The following PPP6R1 variants were observed in gnomAD, a reference collection of about 807,000 sequenced individuals.
The protein encoded by PPP6R1 is serine/threonine-protein phosphatase 6 regulatory subunit 1.
In PPP6R1, 39 loss-of-function variants were observed where a neutral mutation model predicts 104.6. That is an observed-to-expected ratio of 0.37 (90% CI 0.29 to 0.49). The LOEUF (loss-of-function observed/expected upper bound fraction) is 0.49, where lower values mean the gene tolerates loss of function less well. Ranked by LOEUF, PPP6R1 falls within the 20% of genes least tolerant of loss-of-function variation. The probability of loss-of-function intolerance (pLI) is 0.98; values close to 1 mark genes in which losing one functional copy is unlikely to be tolerated. For synonymous variants in PPP6R1, 549 were observed against 479.0 expected, an observed-to-expected ratio of 1.15 and a Z score of -1.91; for missense variants, 1,181 against 1,155.8, an observed-to-expected ratio of 1.02 and a Z score of -0.32.
At chr19:55,242,313 G>T in intron 6 of PPP6R1, 34 bp from the exon 7 acceptor site, 6 of 1,613,002 alleles carry the variant, frequency 3.7e-6, no homozygotes, top group Non-Finnish European at 5.1e-6. Context: ...AGGGTGAGGG[G>T]CCAGGGGCCC....
chr19:55,246,288 G>A (rs967324870), intron 2 of PPP6R1, among the ~76,000 whole-genome samples: 5 of 152,106 alleles, frequency 3.3e-5, no homozygotes, highest in African/African-American at 1.2e-4. Context: ...AAAATTAGCT[G>A]GGCGTGCTGG....
chr19:55,254,230 G>C (rs1568952113), intron 1 of PPP6R1, among the ~76,000 whole-genome samples: 1 of 152,242 alleles, frequency 6.6e-6, no homozygotes, highest in Non-Finnish European at 1.5e-5. Flanking sequence ...CAAGAAAGCG[G>C]AAGTGACTAC....
intron 2 of PPP6R1, among the ~76,000 whole-genome samples, chr19:55,246,013 C>T (rs1271315024): frequency 2.0e-5 from 3 of 152,162 alleles, no homozygotes; most frequent in Non-Finnish European, 2.9e-5. Context: ...CGTATGCTGC[C>T]CCAGCTCCGG....
chr19:55,253,737 C>T (rs953351321), intron 1 of PPP6R1, among the ~76,000 whole-genome samples: 1 of 152,250 alleles, frequency 6.6e-6, no homozygotes, highest in African/African-American at 2.4e-5. Flanking sequence ...TCCCCCACCA[C>T]AACCTCTGAA....
chr19:55,253,576 T>C (rs1480157102), intron 1 of PPP6R1, among the ~76,000 whole-genome samples: 5 of 152,224 alleles, frequency 3.3e-5, no homozygotes, highest in East Asian at 3.9e-4. Flanking sequence ...CGCCCTGAAC[T>C]CTCCATCTCA....
At chr19:55,242,028 T>C (rs1476640943) in intron 7 of PPP6R1, 138 bp downstream of exon 7, 4 of 792,940 alleles carry the variant, frequency 5.0e-6, no homozygotes, top group Non-Finnish European at 6.1e-6. Flanking sequence ...CTGTCCACTG[T>C]GCAGGGAGCA....
chr19:55,238,789 C>G (rs966373360), intron 15 of PPP6R1: 1 of 152,910 alleles, frequency 6.5e-6, no homozygotes, highest in African/African-American at 2.4e-5. Context: ...ATCCACTCCG[C>G]CCAGCCACTT....
Position 55,239,583 on chromosome 19 carries a change from C to G in PPP6R1, c.1653+11G>C. 1.2e-6 allele frequency: 2 copies of G among 1,610,494 alleles called. No individual in the cohort carries two copies. The highest frequency in any genetic ancestry group is 1.7e-6 in the Non-Finnish European group (2 of 1,178,248). On this transcript the variant is annotated intron_variant, in intron 14 of 23. Transcript: ENST00000412770. ...ATAGCCCAGCACAGCCCCACATAGC[C>G]CCACGCCCACCTGCTGCAGCACAGC... is the stretch of plus-strand genomic sequence containing the variant.
At chr19:55,247,272 C>A in intron 1 of PPP6R1, 163 bp from the exon 2 acceptor site, 1 of 677,930 alleles carries the variant, frequency 1.5e-6, no homozygotes, top group Non-Finnish European at 2.5e-6. Flanking sequence ...GGACTGCCCG[C>A]AGGCTCACTG....
chr19:55,250,408 T>C (rs1853164088), intron 1 of PPP6R1, among the ~76,000 whole-genome samples: 1 of 152,114 alleles, frequency 6.6e-6, no homozygotes, highest in Non-Finnish European at 1.5e-5. Flanking sequence ...GCCTGTGTAG[T>C]GGACACTTAA....
rs760176643 is a variant in PPP6R1, at chr19:55,240,972, C to T, written c.1269G>A (p.Thr423=). ...LGPPPDSSPE[T]PIQNPVVKHL... ...GTTTCACAACAGGGTTTTGGATGGG[C>T]GTCTCAGGGCTGCTGTCAGGAGGTG... Residue 423 remains threonine (T), a synonymous_variant, in exon 10 of 24, where the codon ACG becomes ACA. Transcript: ENST00000412770. 14 of 1,603,326 alleles carry T rather than the reference C, an allele frequency of 8.7e-6. No individual in the cohort carries two copies. The highest frequency in any genetic ancestry group is 1.0e-5 in the Non-Finnish European group (12 of 1,175,556).
At chr19:55,240,460 C>T (rs2122608078) in intron 10 of PPP6R1, among the ~76,000 whole-genome samples, 160 bp from the exon 11 acceptor site, 1 of 151,852 alleles carries the variant, frequency 6.6e-6, no homozygotes, top group Middle Eastern at 3.4e-3. Context: ...GGGCTTGGGA[C>T]CCTGGCATCC....
rs775569593 is a variant in PPP6R1 at position 55,245,422 on chromosome 19, G to A, written c.415-20C>T. ...CACGAGCTGGGGGCACACGGGCTGC[G>A]TCATGCACAGGGCCTGGCCCAGCCA... On this transcript the variant is annotated intron_variant, in intron 3 of 23. Transcript: ENST00000412770. The surrounding 1 kb of genome is among the most constrained non-coding windows in gnomAD (Gnocchi z 6.4). The A allele has an allele frequency of 6.3e-5, 101 of 1,613,072 alleles. No individual in the cohort carries two copies. In the East Asian group the frequency reaches 7.8e-4, roughly 12 times the overall value.
intron 17 of PPP6R1, among the ~76,000 whole-genome samples, chr19:55,233,729 T>C (rs560030562): frequency 1.3e-5 from 2 of 152,206 alleles, no homozygotes; most frequent in South Asian, 4.1e-4. Flanking sequence ...TTAAAAGAAA[T>C]ACAAAGCCTC....
At position 55,232,126 on chromosome 19, in the gene PPP6R1, G is replaced by A. The variant is rs61735494; in HGVS notation, c.2074C>T (p.Arg692Cys). The A allele has an allele frequency of 1.2e-3, 1,902 of 1,597,380 alleles. 19 individuals are homozygous for A. In the African/African-American group the frequency reaches 0.021, roughly 18 times the overall value. ...EDEEGIGCAARGGATPLSYPS... is the reference protein window; with the variant it reads ...EDEEGIGCAACGGATPLSYPS... ...TAGGACAGAGGGGTGGCCCCTCCAC[G>A]GGCTGCACAGCCAATGCCCTCCTCG... is the stretch of plus-strand genomic sequence containing the variant. The change falls in exon 18 of 24, where the codon CGT (arginine) becomes TGT (cysteine). Residue 692 changes from arginine to cysteine, a missense_variant. Arg to Cys is a radical substitution (Grantham distance 180, BLOSUM62 -3). Around this residue, in one of 2 missense-constraint regions of PPP6R1, gnomAD observed 1,042 missense variants for 955.6 expected, o/e 1.09. Coordinates refer to ENST00000412770, the MANE Select transcript of PPP6R1 (RefSeq NM_014931.4).
In PPP6R1 at chr19:55,241,384, G is replaced by C; in HGVS notation, c.1016C>G (p.Pro339Arg). ...CAGCATGCCCCATGTCATCTGTAGC[G>C]GCTCCAGCTGCAGACACAGGGAGGC... The part of the protein sequence containing the change: ...QLLLEPPKLE[P>R]LQMTWGMLAP... The change falls in exon 9 of 24, where the codon CCG becomes CGG. Residue 339 changes from proline to arginine, a missense_variant. Pro to Arg is a moderately radical substitution (Grantham distance 103). Coordinates refer to ENST00000412770, the MANE Select transcript of PPP6R1 (RefSeq NM_014931.4). This position sits in a 1 kb window ranked among gnomAD's most constrained non-coding sequence, Gnocchi z 5.4. 3.7e-6 allele frequency: 6 copies of C among 1,607,828 alleles called. No homozygotes were observed. Among genetic ancestry groups the C allele is most frequent in the Non-Finnish European group, 5.1e-6 (6 of 1,177,466 alleles).
downstream of PPP6R1, chr19:55,229,326 T>G (rs1013461896): frequency 6.4e-6 from 1 of 155,366 alleles, no homozygotes; most frequent in African/African-American, 2.4e-5. Context: ...AGCCCCCAGG[T>G]GACCTCCAAG....
At chr19:55,248,834 T>C (rs1417255649) in intron 1 of PPP6R1, among the ~76,000 whole-genome samples, 1 of 152,178 alleles carries the variant, frequency 6.6e-6, no homozygotes, top group Admixed American at 6.5e-5. Flanking sequence ...CTCAGGCAGG[T>C]CGAACGCCTC....
chr19:55,238,555 G>A (rs1035027226), intron 15 of PPP6R1: 3 of 152,490 alleles, frequency 2.0e-5, no homozygotes, highest in Admixed American at 1.3e-4. Flanking sequence ...AGTGCAGTGG[G>A]ACAATCTCGG....
Sources: allele counts gnomAD v4.1 joint callset (sites outside exome capture counted in the v4.1 genomes callset), GRCh38; gene constraint gnomAD v4.1.1; regional missense constraint gnomAD v4.1.1; non-coding constraint Gnocchi (gnomAD v3.1); transcripts MANE v1.5; gene names NCBI Gene and HGNC (gene_info 2026-07-23, HGNC 2026-07-21).